COL5A1: variants seen among roughly 807,000 people sequenced by gnomAD.
The protein encoded by COL5A1 is collagen alpha-1(V) chain.
Under a neutral mutation model 263.7 loss-of-function variants are expected in COL5A1, and 16 were observed. That is an observed-to-expected ratio of 0.06 (90% confidence interval 0.04 to 0.09). The LOEUF is 0.09. Among genes scored for constraint, COL5A1 ranks in the 10% least tolerant of loss-of-function variants. COL5A1 has a pLI of 1.00. For synonymous variants in COL5A1, 1,012 were observed against 1,004.5 expected, an observed-to-expected ratio of 1.01 and a Z score of -0.14; for missense variants, 2,036 against 2,540.5, an observed-to-expected ratio of 0.80 and a Z score of 4.27.
intron 61 of COL5A1, among the ~76,000 whole-genome samples, chr9:134,823,907 GGCACATATGTGT>G (rs1198309025): frequency 1.3e-5 from 2 of 151,770 alleles, no homozygotes; most frequent in African/African-American, 4.8e-5. Context: ...ATATATGTGG[GGCACATATGTGT>G]GTGCATGTGT....
Position 134,782,761 on chromosome 9 carries a change from G to T in COL5A1, c.2484+41G>T, listed in dbSNP as rs183365505. On this transcript the variant is annotated intron_variant, in intron 29 of 65. Transcript: ENST00000371817. The stretch of plus-strand genomic sequence containing the variant: ...TTGGGATTTGGGCTGGGGAAAGCTG[G>T]GTGGGCTTGGCCGTGTGGGAGGGGG... The T allele has an allele frequency of 1.5e-3, 2,407 of 1,598,134 alleles. 9 individuals are homozygous for T. The highest frequency in any genetic ancestry group is 1.9e-3 in the Non-Finnish European group (2,235 of 1,165,666).
At position 134,741,650 on chromosome 9, in the gene COL5A1, C is replaced by T. The variant is rs570310601; in HGVS notation, c.1494+2842C>T. The stretch of plus-strand genomic sequence containing the variant: ...GAGGGGGTAATGCCCTGCTTTTAGG[C>T]AGAAGAGGGGAGGTAAGAGAACTCT... On this transcript the variant is annotated intron_variant, in intron 11 of 65. Transcript: ENST00000371817. This position sits in a 1 kb window ranked among gnomAD's most constrained non-coding sequence, Gnocchi z 4.5. Among the ~76,000 whole-genome samples, 1 of 152,202 alleles carries T rather than the reference C, an allele frequency of 6.6e-6. No homozygotes were observed. The highest frequency in any genetic ancestry group is 2.4e-5 in the African/African-American group (1 of 41,524).
At chr9:134,750,419 A>G in intron 11 of COL5A1, 123 bp from the exon 12 acceptor site, 1 of 862,274 alleles carries the variant, frequency 1.2e-6, no homozygotes, top group Non-Finnish European at 1.9e-6. Context: ...GGGGTCTCAC[A>G]GCTTCTGTGC....
Position 134,801,990 on chromosome 9 carries a change from G to A in COL5A1, c.2989G>A (p.Gly997Ser), listed in dbSNP as rs863223445. The A allele has an allele frequency of 1.2e-5, 19 of 1,613,364 alleles. No individual in the cohort carries two copies. The highest frequency in any genetic ancestry group is 1.5e-5 in the Non-Finnish European group (18 of 1,180,018). Residue 997 changes from glycine (G) to serine (S), a missense_variant, in exon 38 of 66, where the codon GGC becomes AGC. Gly to Ser is a moderately conservative substitution (Grantham distance 56). This residue lies in a region of COL5A1 where 1,078 missense variants were observed against 1,521.4 expected (regional missense o/e 0.71). Coordinates refer to ENST00000371817, the MANE Select transcript of COL5A1 (RefSeq NM_000093.5). Reference sequence around the variant, plus strand: ...CAAGACCGGCCCTCCAGGCCCCCCCGGCGTGGTCGGCCCTCAGGTAAGCTC... The same window carrying A: ...CAAGACCGGCCCTCCAGGCCCCCCCAGCGTGGTCGGCCCTCAGGTAAGCTC... ...QGKTGPPGPP[G>S]VVGPQGPTGE...
At chr9:134,806,118 G>T in intron 41 of COL5A1, 71 bp from the exon 42 acceptor site, 1 of 1,127,758 alleles carries the variant, frequency 8.9e-7, no homozygotes, top group Non-Finnish European at 1.3e-6. Flanking sequence ...GTGATCAGCT[G>T]GTGCTTTACA....
chr9:134,772,724 G>A (rs1448296213), intron 25 of COL5A1, 66 bp from the exon 26 acceptor site: 10 of 1,491,240 alleles, frequency 6.7e-6, no homozygotes, highest in African/African-American at 2.8e-5. Flanking sequence ...TACGCAGGGA[G>A]GGGAAGCGAG....
intron 1 of COL5A1, among the ~76,000 whole-genome samples, chr9:134,667,585 G>C (rs1321213575): frequency 6.6e-6 from 1 of 152,250 alleles, no homozygotes; most frequent in Non-Finnish European, 1.5e-5. Flanking sequence ...TTGGTGTCCA[G>C]CAGCAGGGCC....
intron 1 of COL5A1, among the ~76,000 whole-genome samples, chr9:134,669,070 A>C (rs1237821002): frequency 1.4e-5 from 2 of 146,920 alleles, no homozygotes; most frequent in East Asian, 2.1e-4. Flanking sequence ...CCTTCCATCC[A>C]TCCATCCACC....
At chr9:134,714,197 C>A (rs1264991457) in intron 4 of COL5A1, among the ~76,000 whole-genome samples, 4 of 152,064 alleles carry the variant, frequency 2.6e-5, no homozygotes, top group Non-Finnish European at 4.4e-5. Flanking sequence ...GGCCTTCATG[C>A]TACAGAGGCA....
At chr9:134,777,353 G>A (rs555195362) in intron 27 of COL5A1, among the ~76,000 whole-genome samples, 33 of 152,338 alleles carry the variant, frequency 2.2e-4, no homozygotes, top group African/African-American at 7.5e-4. Flanking sequence ...GCCGAGTCAC[G>A]GATGCCCCAA....
At chr9:134,665,690 A>G (rs1466989989) in intron 1 of COL5A1, among the ~76,000 whole-genome samples, 1 of 152,218 alleles carries the variant, frequency 6.6e-6, no homozygotes, top group Admixed American at 6.5e-5. Flanking sequence ...GAGCAGGGAC[A>G]GGGACGTGGG....
intron 37 of COL5A1, among the ~76,000 whole-genome samples, chr9:134,799,651 G>C (rs1838038165): frequency 6.6e-6 from 1 of 152,144 alleles, no homozygotes; most frequent in Non-Finnish European, 1.5e-5. Context: ...AATCCCCTTT[G>C]TCTCTCTTTG....
intron 1 of COL5A1, chr9:134,649,529 C>A (rs1254024335): frequency 4.2e-6 from 2 of 470,772 alleles, no homozygotes; most frequent in African/African-American, 2.0e-5. Context: ...GCTCTTCTGT[C>A]CTTTTCTTCC....
At position 134,696,437 on chromosome 9, in the gene COL5A1, A is replaced by G. The variant is rs533845920; in HGVS notation, c.278-3472A>G. Among the ~76,000 whole-genome samples, 4 of 152,160 alleles carry G rather than the reference A, an allele frequency of 2.6e-5. No homozygotes were observed. The highest frequency in any genetic ancestry group is 2.6e-4 in the Admixed American group (4 of 15,286). ...AGTGATCCTCCTGCCTTGGCCTCCCAAAGTGCTGGGATTACAGGCATGAAC... is the reference window on the plus strand; with the variant it reads ...AGTGATCCTCCTGCCTTGGCCTCCCGAAGTGCTGGGATTACAGGCATGAAC... On this transcript the variant is annotated intron_variant, in intron 2 of 65. Transcript: ENST00000371817. This position sits in a 1 kb window ranked among gnomAD's most constrained non-coding sequence, Gnocchi z 4.3.
chr9:134,676,352 C>T (rs1588427006), intron 1 of COL5A1, among the ~76,000 whole-genome samples: 1 of 152,318 alleles, frequency 6.6e-6, no homozygotes, highest in African/African-American at 2.4e-5. Context: ...GCCATCTCTC[C>T]ATCTCAGGCC....
chr9:134,705,924 C>T (rs974552091), intron 4 of COL5A1, among the ~76,000 whole-genome samples: 2 of 152,350 alleles, frequency 1.3e-5, no homozygotes, highest in Middle Eastern at 6.8e-3. Context: ...CTGAGGGTCC[C>T]GCCAGCCCCA....
intron 7 of COL5A1, 90 bp from the exon 8 acceptor site, chr9:134,731,406 G>A (rs1286861307): frequency 9.5e-5 from 127 of 1,337,250 alleles, no homozygotes; most frequent in Admixed American, 2.5e-4. Context: ...CCAGTTGACC[G>A]GATAGCCACA....
At chr9:134,760,804 T>C (rs111065691) in intron 18 of COL5A1, among the ~76,000 whole-genome samples, 24,215 of 121,074 alleles carry the variant, frequency 0.2, 2,976 homozygotes, top group African/African-American at 0.39. Flanking sequence ...GCATACACCC[T>C]GACACACCCC....
chr9:134,678,790 G>A lies in COL5A1; in HGVS notation c.110-12122G>A, dbSNP rs1832751452. ...CGGGTGGGCCGGGCCCTGGGTGAAGGGGCTGGAGCTAAATGCCGTTGGAAC... is the reference window on the plus strand; with the variant it reads ...CGGGTGGGCCGGGCCCTGGGTGAAGAGGCTGGAGCTAAATGCCGTTGGAAC... On this transcript the variant is annotated intron_variant, in intron 1 of 65. Transcript: ENST00000371817. This position sits in a 1 kb window ranked among gnomAD's most constrained non-coding sequence, Gnocchi z 5.5. Among the ~76,000 whole-genome samples, 1 of 152,238 alleles carries A rather than the reference G, an allele frequency of 6.6e-6. No homozygotes were observed. Among genetic ancestry groups the A allele is most frequent in the African/African-American group, 2.4e-5 (1 of 41,468 alleles).
Sources: allele counts gnomAD v4.1 joint callset (sites outside exome capture counted in the v4.1 genomes callset), GRCh38; gene constraint gnomAD v4.1.1; regional missense constraint gnomAD v4.1.1; non-coding constraint Gnocchi (gnomAD v3.1); transcripts MANE v1.5; gene names NCBI Gene and HGNC (gene_info 2026-07-23, HGNC 2026-07-21).